Variants in PTCD2 observed in about 807,000 individuals in gnomAD.
PTCD2 encodes pentatricopeptide repeat domain 2, also known as pentatricopeptide repeat-containing protein 2, mitochondrial.
In PTCD2, 31 loss-of-function variants were observed where a neutral mutation model predicts 42.6. The ratio of observed to expected loss-of-function variants is 0.73; its 90% CI spans 0.55 to 0.98. The LOEUF is 0.98. Ranked by LOEUF, PTCD2 falls within the 50% of genes least tolerant of loss-of-function variation. PTCD2 has a pLI of 0.00. For synonymous variants in PTCD2, 183 were observed against 170.9 expected, an observed-to-expected ratio of 1.07 and a Z score of -0.55; for missense variants, 476 against 454.8, an observed-to-expected ratio of 1.05 and a Z score of -0.42.
At chr5:72,327,998 A>G (rs1484891953) in intron 3 of PTCD2, among the ~76,000 whole-genome samples, 1 of 152,250 alleles carries the variant, frequency 6.6e-6, no homozygotes, top group Non-Finnish European at 1.5e-5. Context: ...ATAACATGAA[A>G]AAAATGTCTT....
Position 72,352,732 on chromosome 5 carries a change from G to T in PTCD2, c.920G>T (p.Arg307Ile), listed in dbSNP as rs746252578. Residue 307 changes from arginine to isoleucine, a missense_variant, in exon 9 of 10, where the codon AGA becomes ATA. Coordinates refer to ENST00000380639, the MANE Select transcript of PTCD2 (RefSeq NM_024754.5). ...GGAAATTTATCAAAATTTGTGAAAAGACATGTGTTCTCGGAGGAAGTGGTG... is the reference window on the plus strand; with the variant it reads ...GGAAATTTATCAAAATTTGTGAAAATACATGTGTTCTCGGAGGAAGTGGTG... The part of the protein sequence containing the change: ...AEGNLSKFVK[R>I]HVFSEEVLAK... The T allele has an allele frequency of 6.3e-7, 1 of 1,589,968 alleles. No homozygotes were observed. Among genetic ancestry groups the T allele is most frequent in the African/African-American group, 1.3e-5 (1 of 74,506 alleles).
rs369731528 is a variant in PTCD2, at chr5:72,334,269, A to G, written c.469-749A>G. Among the ~76,000 whole-genome samples the G allele has an allele frequency of 1.3e-4, 20 of 152,374 alleles. 1 individual carries two copies. The highest frequency in any genetic ancestry group is 4.6e-4 in the African/African-American group (19 of 41,596). On this transcript the variant is annotated intron_variant, in intron 4 of 9. Coordinates refer to ENST00000380639, the MANE Select transcript of PTCD2 (RefSeq NM_024754.5). ...TGGAGAATTATTTCAAAAGGCGAATAATCAATTCTGTATTATCCGTTGCCA... is the reference window on the plus strand; with the variant it reads ...TGGAGAATTATTTCAAAAGGCGAATGATCAATTCTGTATTATCCGTTGCCA...
chr5:72,320,558 G>A (rs1192244098), intron 1 of PTCD2, 49 bp downstream of exon 1: 3 of 1,609,062 alleles, frequency 1.9e-6, no homozygotes, highest in Non-Finnish European at 2.5e-6. Flanking sequence ...GGGAGAGAAG[G>A]GAGTGTTAGA....
At chr5:72,352,382 G>A (rs1387991678) in intron 8 of PTCD2, among the ~76,000 whole-genome samples, 2 of 152,114 alleles carry the variant, frequency 1.3e-5, no homozygotes, top group African/African-American at 2.4e-5. Context: ...TCTTGACCTC[G>A]TGATCTGCCC....
intron 6 of PTCD2, among the ~76,000 whole-genome samples, chr5:72,336,630 G>C (rs1446727814): frequency 6.7e-6 from 1 of 150,116 alleles, no homozygotes; most frequent in Non-Finnish European, 1.5e-5. Context: ...AGAATTGCTT[G>C]AACCCAGGAG....
chr5:72,338,524 A>T, intron 6 of PTCD2, 98 bp from the exon 7 acceptor site: 1 of 520,684 alleles, frequency 1.9e-6, no homozygotes, highest in Non-Finnish European at 3.3e-6. Context: ...GGCTCTAGGA[A>T]ATCCTTACAA....
intron 6 of PTCD2, among the ~76,000 whole-genome samples, chr5:72,338,005 C>T (rs139342163): frequency 2.5e-3 from 383 of 152,308 alleles, no homozygotes; most frequent in African/African-American, 8.0e-3. Context: ...CCCGTTATGA[C>T]AGATGACAAA....
rs145495121 is a variant in PTCD2 at position 72,356,487 on chromosome 5, A to G, written c.943-1716A>G. Among the ~76,000 whole-genome samples the G allele has an allele frequency of 1.5e-4, 16 of 107,874 alleles. No individual in the cohort carries two copies. The South Asian group carries it at 2.7e-3, about 19-fold the overall frequency. 70.8% of individuals were successfully genotyped at this position (107,874 alleles called of 152,430 possible). ...TGTGTGAGATTGCAAGTGGAGTCCT[A>G]TATTGTAAACGTCTGCATTTTACAA... is the stretch of plus-strand genomic sequence containing the variant. On this transcript the variant is annotated intron_variant, in intron 9 of 9. Coordinates refer to ENST00000380639, the MANE Select transcript of PTCD2 (RefSeq NM_024754.5).
chr5:72,366,801 C>G lies in PTCD2; in HGVS notation c.*8374C>G, dbSNP rs982923761. ...GCAGAAAGTAGACCAATGTAAGTAT[C>G]ATGCAATGTGTCCATGTGCGTGTAC... is the stretch of plus-strand genomic sequence containing the variant. On this transcript the variant is annotated 3_prime_UTR_variant, in exon 10 of 10. Transcript: ENST00000380639. The G allele has an allele frequency of 6.6e-6, 1 of 152,240 alleles. No individual in the cohort carries two copies. Among genetic ancestry groups the G allele is most frequent in the Non-Finnish European group, 1.5e-5 (1 of 68,050 alleles). The allele number at this position is 152,240 out of a possible 1,614,324, so 9.4% of individuals were successfully genotyped here.
In PTCD2 at chr5:72,360,311, C is replaced by T. The variant is rs893613883; in HGVS notation, c.*1884C>T. 5.3e-5 allele frequency: 8 copies of T among 152,106 alleles called. No homozygotes were observed. Among genetic ancestry groups the T allele is most frequent in the African/African-American group, 1.9e-4 (8 of 41,400 alleles). The allele number at this position is 152,106 out of a possible 1,614,324, so 9.4% of individuals were successfully genotyped here. On this transcript the variant is annotated 3_prime_UTR_variant, in exon 10 of 10. Coordinates refer to ENST00000380639, the MANE Select transcript of PTCD2 (RefSeq NM_024754.5). The stretch of plus-strand genomic sequence containing the variant: ...AGCTTACTTTTCATCTTCTCCAACT[C>T]TCACAGTTCAAATGGCTCCAGTGCT...
chr5:72,342,051 A>G (rs1186201387), intron 7 of PTCD2, among the ~76,000 whole-genome samples: 5 of 151,566 alleles, frequency 3.3e-5, no homozygotes, highest in Admixed American at 3.3e-4. Context: ...TCTAAAAAAA[A>G]TAATAATAAA....
intron 8 of PTCD2, among the ~76,000 whole-genome samples, chr5:72,348,462 T>C (rs953469712): frequency 6.6e-6 from 1 of 152,214 alleles, no homozygotes; most frequent in Non-Finnish European, 1.5e-5. Context: ...TTTTATTAAA[T>C]TGCTCCTGTT....
chr5:72,329,099 G>C (rs1162177679), intron 3 of PTCD2, among the ~76,000 whole-genome samples: 3 of 152,158 alleles, frequency 2.0e-5, no homozygotes, highest in Non-Finnish European at 2.9e-5. Flanking sequence ...ATGTTTATAA[G>C]AGTAGTAAAA....
chr5:72,331,258 G>A lies in PTCD2; in HGVS notation c.351G>A (p.Arg117=), dbSNP rs1751425466. 1 of 1,595,664 alleles carries A rather than the reference G, an allele frequency of 6.3e-7. No individual in the cohort carries two copies. The highest frequency in any genetic ancestry group is 8.6e-7 in the Non-Finnish European group (1 of 1,163,262). ...CTCATTGAATCATTTTCATTACCAG[G>A]TACCATGCAGAGAACAAAAATTTCA... ...HVELAKNVIY[R]YHAENKNFTL... is the part of the protein sequence containing the mutation. The change falls in exon 4 of 10, where the codon AGG becomes AGA. Residue 117 remains arginine (R), a splice_region_variant and synonymous_variant. Transcript: ENST00000380639.
Position 72,358,219 on chromosome 5 carries a change from A to G in PTCD2, c.959A>G (p.Glu320Gly), listed in dbSNP as rs1237741445. The G allele has an allele frequency of 1.2e-6, 2 of 1,613,766 alleles. No homozygotes were observed. The highest frequency in any genetic ancestry group is 2.2e-5 in the East Asian group (1 of 44,874). Residue 320 changes from glutamate to glycine, a missense_variant, in exon 10 of 10, where the codon GAA becomes GGA. Transcript: ENST00000380639. Reference protein sequence around the residue: ...FSEEVLAKVREKVKDVPALVA... With the variant: ...FSEEVLAKVRGKVKDVPALVA... Reference sequence around the variant, plus strand: ...TTTTTCCAGCTGGCCAAAGTGAGGGAAAAAGTGAAGGATGTGCCTGCCCTT... The same window carrying G: ...TTTTTCCAGCTGGCCAAAGTGAGGGGAAAAGTGAAGGATGTGCCTGCCCTT...
chr5:72,350,866 T>A (rs187671758), intron 8 of PTCD2, among the ~76,000 whole-genome samples: 1 of 152,334 alleles, frequency 6.6e-6, no homozygotes, highest in Non-Finnish European at 1.5e-5. Flanking sequence ...TAAAAATGTC[T>A]CTATGCTTTG....
chr5:72,329,124 T>C (rs1490718558), intron 3 of PTCD2, among the ~76,000 whole-genome samples: 1 of 152,232 alleles, frequency 6.6e-6, no homozygotes, highest in Non-Finnish European at 1.5e-5. Context: ...ATAAATATCC[T>C]GAACACTCTT....
At chr5:72,339,310 C>T (rs1751921265) in intron 7 of PTCD2, among the ~76,000 whole-genome samples, 1 of 152,200 alleles carries the variant, frequency 6.6e-6, no homozygotes, top group Non-Finnish European at 1.5e-5. Flanking sequence ...TCTGGAAGAG[C>T]CTCTCCTGAG....
chr5:72,342,598 G>A (rs1448223070), intron 7 of PTCD2, among the ~76,000 whole-genome samples: 1 of 152,208 alleles, frequency 6.6e-6, no homozygotes, highest in Non-Finnish European at 1.5e-5. Flanking sequence ...TTCTGGCAGT[G>A]TTTCCAGCTG....
Sources: gnomAD v4.1 joint callset for allele counts (sites outside exome capture counted in the v4.1 genomes callset) on GRCh38, gnomAD v4.1.1 for gene constraint, MANE v1.5 for transcripts, NCBI Gene and HGNC (gene_info 2026-07-23, HGNC 2026-07-21) for gene names.